PCDH15: variants seen among roughly 807,000 people sequenced by gnomAD.
PCDH15 encodes protocadherin related 15.
PCDH15 carries 129 observed loss-of-function variants against 178.5 expected under a neutral mutation model. The ratio of observed to expected loss-of-function variants is 0.72; its 90% CI spans 0.63 to 0.84. PCDH15 has a LOEUF of 0.84. PCDH15 is among the 40% of genes least tolerant of loss of function. The pLI, the probability that PCDH15 is intolerant of heterozygous loss-of-function variation, is 0.00. For missense variants in PCDH15, 2,230 were observed against 2,099.9 expected (o/e 1.06, Z -1.21); for synonymous variants, 800 against 732.0 (o/e 1.09, Z -1.50).
chr10:54,743,793 T>C (rs1236092943), intron 1 of PCDH15, among the ~76,000 whole-genome samples: 1 of 150,692 alleles, frequency 6.6e-6, no homozygotes, highest in Non-Finnish European at 1.5e-5. Flanking sequence ...TGTTTTGGGT[T>C]ATAAAATATT....
intron 8 of PCDH15, among the ~76,000 whole-genome samples, chr10:54,289,209 T>C (rs2059233638): frequency 6.6e-6 from 1 of 152,144 alleles, no homozygotes; most frequent in African/African-American, 2.4e-5. Flanking sequence ...CAGCCTCCAC[T>C]GGTGATACCT....
chr10:54,794,620 T>G (rs1394183818), intron 1 of PCDH15, among the ~76,000 whole-genome samples: 2 of 151,860 alleles, frequency 1.3e-5, no homozygotes, highest in Non-Finnish European at 2.9e-5. Context: ...AAGGGCTTCA[T>G]GCACACACAT....
chr10:54,435,652 GCAC>G, intron 3 of PCDH15, among the ~76,000 whole-genome samples: 1 of 152,042 alleles, frequency 6.6e-6, no homozygotes, highest in Non-Finnish European at 1.5e-5. Flanking sequence ...TAGATACACA[GCAC>G]AGTGGAAAGG....
rs547553019 is a variant in PCDH15, at chr10:54,158,398, G to A, written c.1591-5105C>T. On this transcript the variant is annotated intron_variant, in intron 13 of 37. Transcript: ENST00000644397. ...AGACTTATTCACTATCATGAGAACAGCAAGGGAAAATCTTGCCCCCATGAT... is the reference window on the plus strand; with the variant it reads ...AGACTTATTCACTATCATGAGAACAACAAGGGAAAATCTTGCCCCCATGAT... Among the ~76,000 whole-genome samples the A allele has an allele frequency of 4.8e-4, 73 of 152,200 alleles. 2 individuals are homozygous for A. The highest frequency in any genetic ancestry group is 4.6e-3 in the Admixed American group (71 of 15,280).
At chr10:54,317,019 T>TA (rs1266230256) in intron 8 of PCDH15, among the ~76,000 whole-genome samples, 9 of 152,066 alleles carry the variant, frequency 5.9e-5, no homozygotes, top group Non-Finnish European at 7.4e-5. Context: ...GATTTATTGG[T>TA]AAAAAAATAA....
intron 26 of PCDH15, among the ~76,000 whole-genome samples, chr10:53,896,702 C>A (rs896559894): frequency 6.6e-6 from 1 of 152,064 alleles, no homozygotes; most frequent in African/African-American, 2.4e-5. Flanking sequence ...GCTCACATAA[C>A]CTCCTGAGCT....
Position 55,117,757 on chromosome 10 carries a change from G to A in PCDH15, c.-80+48819C>T, listed in dbSNP as rs1281963350. Among the ~76,000 whole-genome samples, 3 of 152,126 alleles carry A rather than the reference G, an allele frequency of 2.0e-5. No individual in the cohort carries two copies. In the East Asian group the frequency reaches 5.8e-4, roughly 29 times the overall value. ...GAGAAAAACAAACTAGAACTTATGA[G>A]AAATCAACAGAAGAAGTCAAGAAAC... On this transcript the variant is annotated intron_variant, in intron 2 of 5. Coordinates refer to the PCDH15 transcript ENST00000458638.
At chr10:55,438,591 A>G (rs72805843) in intron 2 of PCDH15, among the ~76,000 whole-genome samples, 4,142 of 152,256 alleles carry the variant, frequency 0.027, 82 homozygotes, top group Non-Finnish European at 0.048. Context: ...GGTAAAATAT[A>G]GATGATAAAA....
At chr10:54,517,395 G>A (rs1208063005) in intron 3 of PCDH15, among the ~76,000 whole-genome samples, 6 of 151,992 alleles carry the variant, frequency 3.9e-5, no homozygotes, top group Non-Finnish European at 5.9e-5. Context: ...AACAAAAAAC[G>A]GCAGGAGTTG....
At chr10:54,986,372 A>T in intron 2 of PCDH15, among the ~76,000 whole-genome samples, 1 of 152,196 alleles carries the variant, frequency 6.6e-6, no homozygotes, top group Non-Finnish European at 1.5e-5. Context: ...TATATCTGGA[A>T]AAGTACAACT....
chr10:55,037,610 A>G (rs937772041), intron 2 of PCDH15, among the ~76,000 whole-genome samples: 1 of 152,226 alleles, frequency 6.6e-6, no homozygotes, highest in Non-Finnish European at 1.5e-5. Context: ...GCTATTTGAC[A>G]TCATGGATCT....
At chr10:54,994,858 A>C (rs1839596467) in intron 2 of PCDH15, among the ~76,000 whole-genome samples, 1 of 152,146 alleles carries the variant, frequency 6.6e-6, no homozygotes, top group Admixed American at 6.5e-5. Flanking sequence ...CTTTGATTAC[A>C]TTTCTACAGA....
At chr10:55,037,555 A>G (rs532115002) in intron 2 of PCDH15, among the ~76,000 whole-genome samples, 9 of 152,322 alleles carry the variant, frequency 5.9e-5, no homozygotes, top group Non-Finnish European at 1.3e-4. Context: ...TTTTTAAGAA[A>G]TCATAAATGT....
rs753592342 is a variant in PCDH15, at chr10:53,806,562, A to G, written c.*17T>C. The G allele has an allele frequency of 2.4e-5, 37 of 1,543,086 alleles. No individual in the cohort carries two copies. The highest frequency in any genetic ancestry group is 3.2e-5 in the Non-Finnish European group (37 of 1,139,528). On this transcript the variant is annotated 3_prime_UTR_variant, in exon 38 of 38. Coordinates refer to ENST00000644397, the MANE Select transcript of PCDH15 (RefSeq NM_001384140.1). ...AATGTAAGTAAAAATTAATTAAAAT[A>G]TCTTTTAAAAAATTGGTCACAGTTT...
chr10:55,472,723 C>T (rs1839987497), intron 2 of PCDH15, among the ~76,000 whole-genome samples: 1 of 152,126 alleles, frequency 6.6e-6, no homozygotes. Flanking sequence ...CGCCCGCCAC[C>T]ACGCCCGGCT....
In PCDH15 at chr10:54,873,174, T is replaced by A. The variant is rs192295076; in HGVS notation, c.-29+24276A>T. Among the ~76,000 whole-genome samples the A allele has an allele frequency of 8.5e-5, 13 of 152,254 alleles. No individual in the cohort carries two copies. In the East Asian group the frequency reaches 2.3e-3, roughly 27 times the overall value. The stretch of plus-strand genomic sequence containing the variant: ...TGATACACTTTCTAAAAAGGGGATA[T>A]GTTTTTTATATATCGTAGGTTCTCA... On this transcript the variant is annotated intron_variant, in intron 3 of 5. Coordinates refer to the PCDH15 transcript ENST00000458638.
intron 2 of PCDH15, among the ~76,000 whole-genome samples, chr10:55,596,084 T>G (rs1842929993): frequency 6.6e-6 from 1 of 152,074 alleles, no homozygotes; most frequent in Non-Finnish European, 1.5e-5. Flanking sequence ...TGGTTAAATC[T>G]TACTCTAAAA....
intron 3 of PCDH15, among the ~76,000 whole-genome samples, chr10:54,849,279 C>T (rs1001721536): frequency 1.3e-4 from 20 of 152,156 alleles, no homozygotes; most frequent in African/African-American, 4.3e-4. Flanking sequence ...GTGTCTTCTT[C>T]TGCTTACTAC....
At chr10:53,854,528 T>G (rs998150750) in intron 28 of PCDH15, among the ~76,000 whole-genome samples, 1 of 151,990 alleles carries the variant, frequency 6.6e-6, no homozygotes, top group African/African-American at 2.4e-5. Flanking sequence ...CCAATTTTCA[T>G]GAAGAATAAA....
Sources: allele counts gnomAD v4.1 joint callset (sites outside exome capture counted in the v4.1 genomes callset), GRCh38; gene constraint gnomAD v4.1.1; transcripts MANE v1.5; gene names NCBI Gene and HGNC (gene_info 2026-07-23, HGNC 2026-07-21).